SNTG1: variants seen among roughly 807,000 people sequenced by gnomAD.
The protein encoded by SNTG1 is gamma-1-syntrophin.
A neutral mutation model predicts 74.7 loss-of-function variants in SNTG1; 39 were observed. That is an observed-to-expected ratio of 0.52 (90% CI 0.40 to 0.68). SNTG1 has a LOEUF of 0.68. Ranked by LOEUF, SNTG1 falls within the 30% of genes least tolerant of loss-of-function variation. The pLI is 0.00. For missense variants in SNTG1, 685 were observed against 609.5 expected (o/e 1.12, Z -1.30); for synonymous variants, 254 against 217.1 (o/e 1.17, Z -1.49).
intron 16 of SNTG1, 104 bp from the exon 17 acceptor site, chr8:50,708,782 T>A: frequency 1.6e-6 from 1 of 632,444 alleles, no homozygotes; most frequent in Non-Finnish European, 2.8e-6. Flanking sequence ...TAATATTAAA[T>A]TAGATATTGT....
At chr8:50,105,626 G>A (rs940250513) in intron 1 of SNTG1, among the ~76,000 whole-genome samples, 11 of 152,020 alleles carry the variant, frequency 7.2e-5, no homozygotes, top group African/African-American at 2.4e-4. Context: ...GCTTTGTGCA[G>A]TATGGCCATT....
chr8:50,022,356 T>A (rs1051330217), intron 1 of SNTG1, among the ~76,000 whole-genome samples: 2 of 152,116 alleles, frequency 1.3e-5, no homozygotes, highest in African/African-American at 4.8e-5. Context: ...TGGAGAAGGA[T>A]CCAGCAAGGC....
At chr8:50,167,039 G>T (rs1407474554) in intron 1 of SNTG1, among the ~76,000 whole-genome samples, 1 of 138,124 alleles carries the variant, frequency 7.2e-6, no homozygotes, top group Non-Finnish European at 1.5e-5. Context: ...ACCAAACACT[G>T]CATATTCTCA....
chr8:50,062,885 A>T (rs528915392), intron 1 of SNTG1, among the ~76,000 whole-genome samples: 8 of 152,288 alleles, frequency 5.3e-5, no homozygotes, highest in African/African-American at 1.9e-4. Flanking sequence ...ATATCCTTGC[A>T]TTGTGAATCT....
intron 8 of SNTG1, among the ~76,000 whole-genome samples, chr8:50,493,671 G>T (rs1283910280): frequency 6.6e-6 from 1 of 151,340 alleles, no homozygotes; most frequent in Admixed American, 6.6e-5. Flanking sequence ...CAGCTTCTAA[G>T]GTCAACGCTG....
chr8:50,617,237 C>CT (rs1306208834), intron 13 of SNTG1, among the ~76,000 whole-genome samples: 11 of 152,242 alleles, frequency 7.2e-5, no homozygotes, highest in African/African-American at 2.4e-4. Context: ...AAGGAACCTG[C>CT]TAATTTATGT....
At chr8:50,109,622 A>T (rs1352125694) in intron 1 of SNTG1, among the ~76,000 whole-genome samples, 9 of 152,208 alleles carry the variant, frequency 5.9e-5, no homozygotes, top group Non-Finnish European at 1.3e-4. Flanking sequence ...TAACTGAGCC[A>T]TTGAGTGGTC....
chr8:50,240,623 C>T, intron 2 of SNTG1, among the ~76,000 whole-genome samples: 1 of 152,100 alleles, frequency 6.6e-6, no homozygotes, highest in Non-Finnish European at 1.5e-5. Context: ...ACAAGCGGCA[C>T]AGAGGATCCT....
rs569541966 is a variant in SNTG1, at chr8:50,058,997, G to T, written c.-102-113564G>T. ...AATGTTGTATAAATTCAATCATACA[G>T]TGTGCAGGCATTTGGGATTGCCTTT... is the stretch of plus-strand genomic sequence containing the variant. On this transcript the variant is annotated intron_variant, in intron 1 of 18. Transcript: ENST00000642720. Among the ~76,000 whole-genome samples, 417 of 152,168 alleles carry T rather than the reference G, an allele frequency of 2.7e-3. 4 individuals carry two copies. The highest frequency in any genetic ancestry group is 2.8e-3 in the Non-Finnish European group (190 of 67,988).
At chr8:50,385,443 G>A (rs1398142441) in intron 2 of SNTG1, among the ~76,000 whole-genome samples, 2 of 152,208 alleles carry the variant, frequency 1.3e-5, no homozygotes, top group Admixed American at 1.3e-4. Flanking sequence ...TGCTGAGGTA[G>A]AAGGTCCTTG....
chr8:50,382,590 G>A (rs1372792492), intron 2 of SNTG1, among the ~76,000 whole-genome samples: 1 of 152,154 alleles, frequency 6.6e-6, no homozygotes, highest in Non-Finnish European at 1.5e-5. Flanking sequence ...GGGACTGATT[G>A]ACAGTATTTT....
intron 12 of SNTG1, among the ~76,000 whole-genome samples, chr8:50,554,770 G>C (rs1264856792): frequency 6.6e-6 from 1 of 152,134 alleles, no homozygotes; most frequent in African/African-American, 2.4e-5. Flanking sequence ...GATGCTTCTA[G>C]AGTTAAACAC....
intron 1 of SNTG1, among the ~76,000 whole-genome samples, chr8:50,090,370 C>G (rs1469514081): frequency 1.3e-5 from 2 of 152,122 alleles, no homozygotes; most frequent in East Asian, 3.9e-4. Flanking sequence ...CAGTTTCTCT[C>G]ACTTTGTTTC....
intron 15 of SNTG1, among the ~76,000 whole-genome samples, chr8:50,677,611 T>C (rs2095314302): frequency 6.6e-6 from 1 of 152,016 alleles, no homozygotes; most frequent in South Asian, 2.1e-4. Context: ...TGTTCTGCCT[T>C]GCAAATTTAC....
chr8:50,748,726 T>C lies in SNTG1; in HGVS notation c.1285-3275T>C, dbSNP rs546477364. Among the ~76,000 whole-genome samples, 6 of 152,112 alleles carry C rather than the reference T, an allele frequency of 3.9e-5. No homozygotes were observed. In the East Asian group the frequency reaches 9.8e-4, roughly 25 times the overall value. On this transcript the variant is annotated intron_variant, in intron 17 of 18. Transcript: ENST00000642720. ...AAAGCTTTTTAAATTACATTTGTTA[T>C]GGTGGCCTGCAATTAGTAATATTTC...
rs2093081113 is a variant in SNTG1, at chr8:50,421,148, TA to T, written c.163-17394del. 2.0e-5 allele frequency among the ~76,000 whole-genome samples: 3 copies of T among 150,068 alleles called. No individual in the cohort carries two copies. In the South Asian group the frequency reaches 6.3e-4, roughly 31 times the overall value. Reference sequence around the variant, plus strand: ...TGCTAACACTGTTACCAGAAAAGGGTACCAATCCATACCCCAAGAGAGGGCT... The same window carrying T: ...TGCTAACACTGTTACCAGAAAAGGGTCCAATCCATACCCCAAGAGAGGGCT... On this transcript the variant is annotated intron_variant, in intron 4 of 18. Transcript: ENST00000642720.
chr8:50,209,026 CCCA>C (rs1390993031), intron 2 of SNTG1, among the ~76,000 whole-genome samples: 1 of 152,062 alleles, frequency 6.6e-6, no homozygotes, highest in Non-Finnish European at 1.5e-5. Flanking sequence ...TCGGTACATT[CCCA>C]CCACTTTTCC....
chr8:50,057,568 G>C (rs1314275565), intron 1 of SNTG1, among the ~76,000 whole-genome samples: 2 of 152,058 alleles, frequency 1.3e-5, no homozygotes, highest in African/African-American at 4.8e-5. Context: ...CCCAAGCACT[G>C]GTGTCAAAAT....
intron 1 of SNTG1, among the ~76,000 whole-genome samples, chr8:50,029,623 G>T (rs1267672711): frequency 6.6e-6 from 1 of 151,964 alleles, no homozygotes; most frequent in Non-Finnish European, 1.5e-5. Context: ...TCTGTGCCTT[G>T]CTCATTTCAC....
Sources: allele counts gnomAD v4.1 joint callset (sites outside exome capture counted in the v4.1 genomes callset), GRCh38; gene constraint gnomAD v4.1.1; transcripts MANE v1.5; gene names NCBI Gene and HGNC (gene_info 2026-07-23, HGNC 2026-07-21).